EDARADD: variants seen among roughly 807,000 people sequenced by gnomAD.
EDARADD encodes ectodysplasin-A receptor-associated adapter protein.
A neutral mutation model predicts 25.6 loss-of-function variants in EDARADD; 20 were observed. That is an observed-to-expected ratio of 0.78 (90% CI 0.55 to 1.14). The LOEUF is 1.14. Ranked by LOEUF, EDARADD falls within the 50% of genes most tolerant of loss-of-function variation. The probability of loss-of-function intolerance (pLI) is 0.00; values close to 1 mark genes in which losing one functional copy is unlikely to be tolerated. For missense variants in EDARADD, 225 were observed against 270.1 expected (o/e 0.83, Z 1.17); for synonymous variants, 86 against 94.4 (o/e 0.91, Z 0.52).
chr1:236,458,526 G>A (rs1658937553), intron 4 of EDARADD, among the ~76,000 whole-genome samples: 1 of 151,990 alleles, frequency 6.6e-6, no homozygotes, highest in East Asian at 1.9e-4. Flanking sequence ...GGGATTGAGA[G>A]ACGTAATAAT....
intron 4 of EDARADD, among the ~76,000 whole-genome samples, chr1:236,431,086 G>A (rs588602): frequency 8.2e-4 from 125 of 152,092 alleles, no homozygotes; most frequent in African/African-American, 2.9e-3. Context: ...CTGCACTCCA[G>A]CCTAGGTGAC....
intron 5 of EDARADD, among the ~76,000 whole-genome samples, chr1:236,477,318 A>T (rs1044804388): frequency 4.6e-5 from 7 of 151,976 alleles, no homozygotes; most frequent in African/African-American, 1.7e-4. Context: ...AATCGAGACC[A>T]TCCTGGCTAA....
chr1:236,474,474 C>A (rs575068090), intron 5 of EDARADD, among the ~76,000 whole-genome samples: 90 of 152,236 alleles, frequency 5.9e-4, no homozygotes, highest in African/African-American at 2.1e-3. Context: ...CAAAACATGG[C>A]AAATGGGGAC....
At chr1:236,352,405 C>T (rs552166886) in intron 3 of EDARADD, among the ~76,000 whole-genome samples, 6 of 152,238 alleles carry the variant, frequency 3.9e-5, no homozygotes, top group East Asian at 1.9e-4. Context: ...AATAGCCTCC[C>T]GTAAATTTTA....
At chr1:236,478,359 A>ATATGTGTGTG (rs139654551) in intron 5 of EDARADD, among the ~76,000 whole-genome samples, 40 of 144,764 alleles carry the variant, frequency 2.8e-4, no homozygotes, top group African/African-American at 8.8e-4. Flanking sequence ...CCATATATAT[A>ATATGTGTGTG]TGTGTGTGTG....
intron 3 of EDARADD, among the ~76,000 whole-genome samples, chr1:236,382,505 C>T (rs1328762704): frequency 6.6e-6 from 1 of 152,166 alleles, no homozygotes; most frequent in Non-Finnish European, 1.5e-5. Flanking sequence ...TTTTCTGCTT[C>T]CTGCAAGTCT....
chr1:236,454,290 T>C (rs576628630), intron 4 of EDARADD, among the ~76,000 whole-genome samples: 14 of 152,256 alleles, frequency 9.2e-5, no homozygotes, highest in Middle Eastern at 3.4e-3. Flanking sequence ...CCTTGTGATC[T>C]GCCCGCCTTG....
intron 3 of EDARADD, among the ~76,000 whole-genome samples, chr1:236,358,671 T>C (rs1667011095): frequency 6.6e-6 from 1 of 152,182 alleles, no homozygotes; most frequent in African/African-American, 2.4e-5. Flanking sequence ...TTCCATGTAG[T>C]TGTGTGGTTT....
rs546243593 is a variant in EDARADD, at chr1:236,421,430, G to A, written c.161-5962G>A. Among the ~76,000 whole-genome samples the A allele has an allele frequency of 1.3e-4, 19 of 144,208 alleles. 2 individuals are homozygous for A. Among genetic ancestry groups the A allele is most frequent in the African/African-American group, 4.8e-4 (19 of 39,506 alleles). 94.6% of individuals were successfully genotyped at this position (144,208 alleles called of 152,430 possible). On this transcript the variant is annotated intron_variant, in intron 3 of 5. Transcript: ENST00000334232. The stretch of plus-strand genomic sequence containing the variant: ...GGCGTTGTTTGGCTAGGGGACTTTG[G>A]CCATGGGAGCAGAGTGGGAAGGAGA...
At chr1:236,430,774 G>A (rs1056313890) in intron 4 of EDARADD, among the ~76,000 whole-genome samples, 8 of 152,188 alleles carry the variant, frequency 5.3e-5, no homozygotes, top group African/African-American at 1.7e-4. Flanking sequence ...AGGGAGAAAC[G>A]TTTAAAAGAA....
At chr1:236,400,088 G>A (rs1667588309) in intron 1 of EDARADD, among the ~76,000 whole-genome samples, 1 of 152,226 alleles carries the variant, frequency 6.6e-6, no homozygotes, top group South Asian at 2.1e-4. Context: ...GAGAGGGATG[G>A]CAATCTGTGG....
At chr1:236,403,818 C>T (rs931012966) in intron 1 of EDARADD, among the ~76,000 whole-genome samples, 5 of 152,196 alleles carry the variant, frequency 3.3e-5, no homozygotes, top group Non-Finnish European at 4.4e-5. Context: ...CAGGTGCCCT[C>T]GCCAGCCCTG....
chr1:236,421,985 T>G (rs963899879), intron 3 of EDARADD, among the ~76,000 whole-genome samples: 2 of 152,134 alleles, frequency 1.3e-5, no homozygotes, highest in Non-Finnish European at 2.9e-5. Context: ...CATGGTGAGA[T>G]GGTCATCAAA....
chr1:236,394,621 T>C (rs948093744), intron 1 of EDARADD, 116 bp downstream of exon 1: 23 of 870,488 alleles, frequency 2.6e-5, no homozygotes, highest in Non-Finnish European at 3.3e-5. Flanking sequence ...ATTATCTTTT[T>C]CGACCCGACT....
At chr1:236,456,226 C>T (rs561296753) in intron 4 of EDARADD, among the ~76,000 whole-genome samples, 10 of 152,284 alleles carry the variant, frequency 6.6e-5, no homozygotes, top group South Asian at 4.1e-4. Flanking sequence ...ACGGAAGCAT[C>T]GCGGATCTCC....
At chr1:236,458,677 C>G (rs1395572845) in intron 4 of EDARADD, among the ~76,000 whole-genome samples, 9 of 106,414 alleles carry the variant, frequency 8.5e-5, no homozygotes, top group Non-Finnish European at 1.5e-4. Flanking sequence ...GAGTTTCACT[C>G]TTGTTGCCCA....
chr1:236,448,724 G>A (rs984262623), intron 4 of EDARADD, among the ~76,000 whole-genome samples: 9 of 152,240 alleles, frequency 5.9e-5, no homozygotes, highest in Middle Eastern at 6.8e-3. Flanking sequence ...GCCAAGGAAC[G>A]CACATTGGGA....
chr1:236,384,774 A>C (rs537667625), intron 3 of EDARADD, among the ~76,000 whole-genome samples: 1 of 152,236 alleles, frequency 6.6e-6, no homozygotes, highest in South Asian at 2.1e-4. Flanking sequence ...GGCCTCAAGC[A>C]ATTCCTGGAC....
intron 4 of EDARADD, 64 bp downstream of exon 4, chr1:236,427,514 G>A: frequency 6.9e-7 from 1 of 1,451,546 alleles, no homozygotes; most frequent in African/African-American, 1.4e-5. Context: ...AATTTTTTGA[G>A]ATTTATAGAG....
Sources: gnomAD v4.1 joint callset for allele counts (sites outside exome capture counted in the v4.1 genomes callset) on GRCh38, gnomAD v4.1.1 for gene constraint, MANE v1.5 for transcripts, NCBI Gene and HGNC (gene_info 2026-07-23, HGNC 2026-07-21) for gene names.